The following MARCHF1 variants were observed in gnomAD, a reference collection of about 807,000 sequenced individuals.
MARCHF1 encodes E3 ubiquitin-protein ligase MARCHF1.
In MARCHF1, 40 loss-of-function variants were observed where a neutral mutation model predicts 54.2. The observed-to-expected ratio is 0.74, with a 90% CI of 0.57 to 0.96. The LOEUF (loss-of-function observed/expected upper bound fraction) is 0.96, where lower values mean the gene tolerates loss of function less well. MARCHF1 is among the 40% of genes least tolerant of loss of function. The probability of loss-of-function intolerance (pLI) is 0.00; values close to 1 mark genes in which losing one functional copy is unlikely to be tolerated. For missense variants in MARCHF1, 586 were observed against 656.5 expected, an observed-to-expected ratio of 0.89 and a Z score of 1.17; for synonymous variants, 236 against 236.3, an observed-to-expected ratio of 1.00 and a Z score of 0.01.
intron 2 of MARCHF1, among the ~76,000 whole-genome samples, chr4:164,030,662 A>T (rs1433864479): frequency 6.6e-6 from 1 of 152,224 alleles, no homozygotes; most frequent in Non-Finnish European, 1.5e-5. Flanking sequence ...GGAAGCACTG[A>T]GGAAATAGCT....
rs148333500 is a variant in MARCHF1, at chr4:163,561,063, A to G, written c.1192-15320T>C. ...AACCTTCAATGAAATGTCAAATAAC[A>G]GTTTTCTTTCTAAATAAAAAAACAA... On this transcript the variant is annotated intron_variant, in intron 8 of 9. Transcript: ENST00000514618. Among the ~76,000 whole-genome samples the G allele has an allele frequency of 2.8e-3, 422 of 152,266 alleles. 2 individuals are homozygous for G. The highest frequency in any genetic ancestry group is 9.7e-3 in the African/African-American group (404 of 41,580).
intron 1 of MARCHF1, chr4:164,197,400 T>C (rs1272824039): frequency 6.2e-7 from 1 of 1,613,356 alleles, no homozygotes; most frequent in Non-Finnish European, 8.5e-7. Context: ...ACTGTTTCAG[T>C]GGCTCTATTG....
chr4:164,360,439 G>A (rs532840531), intron 1 of MARCHF1, among the ~76,000 whole-genome samples: 1 of 152,094 alleles, frequency 6.6e-6, no homozygotes, highest in Admixed American at 6.5e-5. Context: ...AGGGAGAAGT[G>A]GTTGGGAGAA....
intron 1 of MARCHF1, among the ~76,000 whole-genome samples, chr4:164,165,183 C>G (rs1262955465): frequency 6.6e-6 from 1 of 152,026 alleles, no homozygotes; most frequent in Non-Finnish European, 1.5e-5. Flanking sequence ...AATATTATAT[C>G]TATTGTTGTG....
intron 1 of MARCHF1, among the ~76,000 whole-genome samples, chr4:164,381,726 A>T (rs1245905639): frequency 1.3e-5 from 2 of 152,228 alleles, no homozygotes; most frequent in Non-Finnish European, 2.9e-5. Flanking sequence ...TACGTTCATA[A>T]GTCTATTTCA....
At chr4:164,154,353 T>C (rs553212155) in intron 1 of MARCHF1, among the ~76,000 whole-genome samples, 1 of 152,230 alleles carries the variant, frequency 6.6e-6, no homozygotes, top group African/African-American at 2.4e-5. Flanking sequence ...CCACACGTTA[T>C]AGATGAGGAA....
intron 2 of MARCHF1, among the ~76,000 whole-genome samples, chr4:164,078,547 A>T (rs184209382): frequency 0.013 from 2,004 of 152,056 alleles, 30 homozygotes; most frequent in African/African-American, 0.043. Flanking sequence ...ATTTTTTTTT[A>T]AAAAAGAACA....
chr4:163,685,967 G>A (rs917343687), intron 5 of MARCHF1, among the ~76,000 whole-genome samples: 4 of 152,068 alleles, frequency 2.6e-5, no homozygotes, highest in African/African-American at 9.7e-5. Flanking sequence ...CTTGTTTTTG[G>A]ACTGAGGGCA....
At position 164,099,303 on chromosome 4, in the gene MARCHF1, T is replaced by C. The variant is rs147887154; in HGVS notation, c.-248+12285A>G. ...GTGAGAGCTCTTTCCATTTATTTAATAAGAGCAGGTTAGAATGTTAGCACT... is the reference window on the plus strand; with the variant it reads ...GTGAGAGCTCTTTCCATTTATTTAACAAGAGCAGGTTAGAATGTTAGCACT... On this transcript the variant is annotated intron_variant, in intron 2 of 9. Coordinates refer to ENST00000514618, the MANE Select transcript of MARCHF1 (RefSeq NM_001394959.1). 6.3e-3 allele frequency among the ~76,000 whole-genome samples: 960 copies of C among 152,330 alleles called. 7 individuals are homozygous for C. The highest frequency in any genetic ancestry group is 0.014 in the Middle Eastern group (4 of 294).
intron 5 of MARCHF1, among the ~76,000 whole-genome samples, chr4:163,614,227 T>C (rs773037862): frequency 2.0e-5 from 3 of 152,160 alleles, no homozygotes; most frequent in Non-Finnish European, 2.9e-5. Context: ...TGGAAAGTAA[T>C]AATAACTAAC....
chr4:164,271,342 T>C (rs187484853), intron 1 of MARCHF1, among the ~76,000 whole-genome samples: 5 of 152,150 alleles, frequency 3.3e-5, no homozygotes, highest in East Asian at 1.9e-4. Flanking sequence ...TAGCTGAGTC[T>C]AGAGAGAGAT....
chr4:163,679,027 G>A (rs1054766167), intron 5 of MARCHF1, among the ~76,000 whole-genome samples: 2 of 152,182 alleles, frequency 1.3e-5, no homozygotes, highest in Admixed American at 6.5e-5. Flanking sequence ...ATCATGGTAC[G>A]GGATTTGGGC....
chr4:164,053,298 A>G (rs931168504), intron 2 of MARCHF1, among the ~76,000 whole-genome samples: 2 of 152,156 alleles, frequency 1.3e-5, no homozygotes, highest in Non-Finnish European at 2.9e-5. Context: ...GAAATGACCG[A>G]TATTTGGGCA....
chr4:164,328,951 T>G (rs1233933520), intron 1 of MARCHF1, among the ~76,000 whole-genome samples: 4 of 152,232 alleles, frequency 2.6e-5, no homozygotes, highest in Non-Finnish European at 5.9e-5. Context: ...GAATAAACTT[T>G]CAGTTAAGAT....
intron 3 of MARCHF1, among the ~76,000 whole-genome samples, chr4:163,930,949 T>C (rs144789537): frequency 2.4e-4 from 36 of 152,228 alleles, no homozygotes; most frequent in African/African-American, 8.4e-4. Flanking sequence ...CAAATTCATA[T>C]GTGGAAGCCT....
At chr4:163,808,667 C>T (rs899742324) in intron 4 of MARCHF1, among the ~76,000 whole-genome samples, 23 of 152,218 alleles carry the variant, frequency 1.5e-4, no homozygotes, top group Non-Finnish European at 2.9e-4. Context: ...CTCCTGGGTT[C>T]AAGCCATTCT....
intron 1 of MARCHF1, among the ~76,000 whole-genome samples, chr4:164,187,682 A>C (rs1731007276): frequency 6.6e-6 from 1 of 152,200 alleles, no homozygotes; most frequent in Non-Finnish European, 1.5e-5. Flanking sequence ...AGCACTTGAC[A>C]ACACGGATCC....
At chr4:163,920,331 G>A (rs1163097888) in intron 3 of MARCHF1, among the ~76,000 whole-genome samples, 1 of 152,192 alleles carries the variant, frequency 6.6e-6, no homozygotes, top group Non-Finnish European at 1.5e-5. Flanking sequence ...CTTCTTGCAA[G>A]AATTAATTGT....
intron 4 of MARCHF1, among the ~76,000 whole-genome samples, chr4:163,818,513 G>T (rs1748604638): frequency 6.6e-6 from 1 of 152,174 alleles, no homozygotes; most frequent in African/African-American, 2.4e-5. Flanking sequence ...AGTTGAAATT[G>T]TGGTTAGATA....
Sources: gnomAD v4.1 joint callset for allele counts (sites outside exome capture counted in the v4.1 genomes callset) on GRCh38, gnomAD v4.1.1 for gene constraint, MANE v1.5 for transcripts, NCBI Gene and HGNC (gene_info 2026-07-23, HGNC 2026-07-21) for gene names.